The following PLPPR5 variants were observed in gnomAD, a reference collection of about 807,000 sequenced individuals.
PLPPR5 encodes the protein phospholipid phosphatase related 5, also known as phospholipid phosphatase-related protein type 5.
Under a neutral mutation model 33.9 loss-of-function variants are expected in PLPPR5, and 16 were observed. The ratio of observed to expected loss-of-function variants is 0.47; its 90% CI spans 0.32 to 0.72. The LOEUF is 0.72. Among genes scored for constraint, PLPPR5 ranks in the 30% least tolerant of loss-of-function variants. PLPPR5 has a pLI of 0.03. For missense variants in PLPPR5, 301 were observed against 406.7 expected (o/e 0.74, Z 2.23); for synonymous variants, 163 against 150.3 (o/e 1.08, Z -0.62).
In PLPPR5 at chr1:98,891,530, G is replaced by A. The variant is rs899257864; in HGVS notation, c.*1542C>T. On this transcript the variant is annotated 3_prime_UTR_variant, in exon 6 of 6. Coordinates refer to ENST00000263177, the MANE Select transcript of PLPPR5 (RefSeq NM_001037317.2). Reference sequence around the variant, plus strand: ...CTTATATTATGGCGATTGTAATCTGGAATTCTACATGCTAAATGTAAGGTA... The same window carrying A: ...CTTATATTATGGCGATTGTAATCTGAAATTCTACATGCTAAATGTAAGGTA... The A allele has an allele frequency of 3.9e-5, 6 of 151,944 alleles. No homozygotes were observed. The highest frequency in any genetic ancestry group is 1.5e-4 in the African/African-American group (6 of 41,378). The allele number at this position is 151,944 out of a possible 1,614,324, so 9.4% of individuals were successfully genotyped here.
chr1:98,958,857 G>C (rs1651120912), intron 1 of PLPPR5, among the ~76,000 whole-genome samples: 1 of 152,040 alleles, frequency 6.6e-6, no homozygotes. Flanking sequence ...TTCATGAGCT[G>C]ACCGGCTCTG....
At chr1:98,990,185 A>G (rs1000057987) in intron 1 of PLPPR5, among the ~76,000 whole-genome samples, 2 of 152,134 alleles carry the variant, frequency 1.3e-5, no homozygotes, top group Non-Finnish European at 2.9e-5. Flanking sequence ...CCTGGCCAAC[A>G]TGGTGAAACC....
intron 4 of PLPPR5, among the ~76,000 whole-genome samples, chr1:98,918,668 T>C (rs1006693657): frequency 2.6e-5 from 4 of 152,150 alleles, no homozygotes; most frequent in African/African-American, 9.7e-5. Context: ...GGAAACTTCC[T>C]GGGGAAATTG....
At chr1:98,917,101 G>T (rs1485019834) in intron 4 of PLPPR5, among the ~76,000 whole-genome samples, 1 of 151,960 alleles carries the variant, frequency 6.6e-6, no homozygotes, top group Non-Finnish European at 1.5e-5. Flanking sequence ...CTCCAAACTT[G>T]ATCTCTTCTC....
intron 1 of PLPPR5, among the ~76,000 whole-genome samples, chr1:98,978,448 CTCTT>C (rs1285729428): frequency 2.6e-5 from 4 of 151,952 alleles, no homozygotes; most frequent in African/African-American, 9.7e-5. Flanking sequence ...GTTCATAACT[CTCTT>C]TCTCTTTCTA....
At position 98,988,464 on chromosome 1, in the gene PLPPR5, TC is replaced by T. The variant is rs1302444193; in HGVS notation, c.237+15970del. Among the ~76,000 whole-genome samples, 3 of 152,244 alleles carry T rather than the reference TC, an allele frequency of 2.0e-5. No individual in the cohort carries two copies. The East Asian group carries it at 5.8e-4, about 29-fold the overall frequency. The stretch of plus-strand genomic sequence containing the variant: ...TATTCATTGTTTTTAAGATTTATTA[TC>T]AACTTGTAGGCTAGACTATATCCTG... On this transcript the variant is annotated intron_variant, in intron 1 of 5. Coordinates refer to ENST00000263177, the MANE Select transcript of PLPPR5 (RefSeq NM_001037317.2).
intron 3 of PLPPR5, among the ~76,000 whole-genome samples, chr1:98,948,169 A>G (rs309073): frequency 0.71 from 108,612 of 152,030 alleles, 40,005 homozygotes; most frequent in East Asian, 0.95. Flanking sequence ...AGTGAGGGCT[A>G]GCTCATGCTC....
Position 98,956,665 on chromosome 1 carries a change from A to G in PLPPR5, c.314T>C (p.Leu105Ser), listed in dbSNP as rs757255861. 1 of 1,602,914 alleles carries G rather than the reference A, an allele frequency of 6.2e-7. No homozygotes were observed. Among genetic ancestry groups the G allele is most frequent in the East Asian group, 2.3e-5 (1 of 44,436 alleles). The change falls in exon 2 of 6, where the codon TTA (leucine) becomes TCA (serine). Residue 105 changes from leucine (L) to serine (S), a missense_variant. Physicochemically the swap from Leu to Ser is moderately radical, Grantham distance 145 (BLOSUM62 -2). Coordinates refer to ENST00000263177, the MANE Select transcript of PLPPR5 (RefSeq NM_001037317.2). ...RDFENQEKTI[L>S]TGDCCYINPL... ...GTTTATATAGCAACAGTCTCCAGTT[A>G]AAATAGTTTTTTCCTGGTTTTCAAA...
At chr1:98,927,526 G>C (rs960670379) in intron 3 of PLPPR5, among the ~76,000 whole-genome samples, 1 of 152,184 alleles carries the variant, frequency 6.6e-6, no homozygotes, top group East Asian at 1.9e-4. Context: ...GCCCCAGGTG[G>C]GCTGCCTGCC....
At chr1:99,001,695 T>TATATATATATATATATATATATATATAG (rs1652857225) in intron 1 of PLPPR5, among the ~76,000 whole-genome samples, 2 of 144,674 alleles carry the variant, frequency 1.4e-5, no homozygotes, top group Non-Finnish European at 1.5e-5. Context: ...TATATATATA[T>TATATATATATATATATATATATATATAG]ATATATATAT....
rs1163526028 is a variant in PLPPR5 at position 98,985,969 on chromosome 1, T to C, written c.237+18466A>G. Among the ~76,000 whole-genome samples, 16 of 152,188 alleles carry C rather than the reference T, an allele frequency of 1.1e-4. No individual in the cohort carries two copies. The East Asian group carries it at 3.1e-3, about 29-fold the overall frequency. On this transcript the variant is annotated intron_variant, in intron 1 of 5. Transcript: ENST00000263177. ...TTTGAGGTGGCATTTCCTGAATTCCTTCAATGGCTAGTTTGTTTAAGGAAC... is the reference window on the plus strand; with the variant it reads ...TTTGAGGTGGCATTTCCTGAATTCCCTCAATGGCTAGTTTGTTTAAGGAAC...
chr1:98,961,590 T>C (rs958161262), intron 1 of PLPPR5, among the ~76,000 whole-genome samples: 1 of 152,230 alleles, frequency 6.6e-6, no homozygotes, highest in Non-Finnish European at 1.5e-5. Context: ...ATGCAGTTTA[T>C]ATTTCCATTA....
intron 2 of PLPPR5, among the ~76,000 whole-genome samples, chr1:98,955,760 T>C (rs1200575704): frequency 6.6e-6 from 1 of 152,082 alleles, no homozygotes; most frequent in African/African-American, 2.4e-5. Context: ...ATATGAGAAC[T>C]ATGTTGAAGA....
rs5776440 is a variant in PLPPR5 at position 98,907,203 on chromosome 1, C to CTTT, written c.933+7580_933+7582dup. 5.5e-3 allele frequency among the ~76,000 whole-genome samples: 721 copies of CTTT among 132,126 alleles called. 13 individuals carry two copies. The highest frequency in any genetic ancestry group is 0.018 in the African/African-American group (635 of 34,778). 86.7% of individuals were successfully genotyped at this position (132,126 alleles called of 152,430 possible). ...AAATTTAATTGTATTTATTGTAATCCTTTTTTTTTTTTTTTTCTGATGAAG... is the reference window on the plus strand; with the variant it reads ...AAATTTAATTGTATTTATTGTAATCCTTTTTTTTTTTTTTTTTTTCTGATGAAG... On this transcript the variant is annotated intron_variant, in intron 5 of 5. Transcript: ENST00000263177.
rs746184907 is a variant in PLPPR5 at position 99,004,423 on chromosome 1, C to T, written c.237+12G>A. The stretch of plus-strand genomic sequence containing the variant: ...GGGACTCGGCGACGAGGGCGAGCGC[C>T]CCCGGGCTTACCACGAGCACGGGGA... On this transcript the variant is annotated intron_variant, in intron 1 of 5. Coordinates refer to ENST00000263177, the MANE Select transcript of PLPPR5 (RefSeq NM_001037317.2). 9 of 1,593,682 alleles carry T rather than the reference C, an allele frequency of 5.6e-6. No homozygotes were observed. In the African/African-American group the frequency reaches 1.2e-4, roughly 21 times the overall value.
chr1:98,954,823 T>C (rs549080075), intron 2 of PLPPR5, among the ~76,000 whole-genome samples: 2 of 152,078 alleles, frequency 1.3e-5, no homozygotes, highest in African/African-American at 2.4e-5. Context: ...TGGCCAAGCA[T>C]GGGAACCTAA....
intron 2 of PLPPR5, among the ~76,000 whole-genome samples, chr1:98,955,076 G>A (rs1294386096): frequency 2.0e-5 from 3 of 151,950 alleles, no homozygotes; most frequent in African/African-American, 7.2e-5. Context: ...TACCTAAAGT[G>A]CTTACCTAAA....
At chr1:98,990,125 T>C (rs371889243) in intron 1 of PLPPR5, among the ~76,000 whole-genome samples, 53 of 152,178 alleles carry the variant, frequency 3.5e-4, no homozygotes, top group African/African-American at 1.2e-3. Context: ...CACCAGCACT[T>C]TGGGAGGCCA....
At chr1:98,939,139 TA>T (rs1650284042) in intron 3 of PLPPR5, among the ~76,000 whole-genome samples, 1 of 151,634 alleles carries the variant, frequency 6.6e-6, no homozygotes, top group Admixed American at 6.6e-5. Context: ...ATTAAAAAAT[TA>T]AATATATATT....
Sources: allele counts gnomAD v4.1 joint callset (sites outside exome capture counted in the v4.1 genomes callset), GRCh38; gene constraint gnomAD v4.1.1; transcripts MANE v1.5; gene names NCBI Gene and HGNC (gene_info 2026-07-23, HGNC 2026-07-21).